RABEP1: variants seen among roughly 807,000 people sequenced by gnomAD.
RABEP1 encodes rabaptin, RAB GTPase binding effector protein 1.
In RABEP1, 51 loss-of-function variants were observed where a neutral mutation model predicts 123.4. The ratio of observed to expected loss-of-function variants is 0.41; its 90% CI spans 0.33 to 0.52. The LOEUF is 0.52. Among genes scored for constraint, RABEP1 ranks in the 20% least tolerant of loss-of-function variants. The pLI is 0.16. For missense variants in RABEP1, 888 were observed against 996.3 expected (o/e 0.89, Z 1.46); for synonymous variants, 347 against 355.2 (o/e 0.98, Z 0.26).
intron 2 of RABEP1, among the ~76,000 whole-genome samples, chr17:5,310,301 C>CTTTTTTTTT (rs11432831): frequency 0.011 from 1,422 of 126,154 alleles, 133 homozygotes; most frequent in African/African-American, 0.02. Flanking sequence ...AAGCTTCGTC[C>CTTTTTTTTT]TTTTTTTTTT....
At chr17:5,299,731 C>T (rs55635734) in intron 1 of RABEP1, among the ~76,000 whole-genome samples, 44,687 of 94,724 alleles carry the variant, frequency 0.47, 11,050 homozygotes, top group East Asian at 0.89. Context: ...TTTTCTTTTT[C>T]TTTTTTTTTT....
At chr17:5,355,329 T>A (rs1188774930) in intron 8 of RABEP1, among the ~76,000 whole-genome samples, 1 of 152,218 alleles carries the variant, frequency 6.6e-6, no homozygotes, top group Admixed American at 6.5e-5. Context: ...CCATTGCCTT[T>A]CTGAGTATTG....
intron 4 of RABEP1, chr17:5,336,366 A>G (rs1555521733): frequency 8.2e-5 from 34 of 413,034 alleles, no homozygotes; most frequent in South Asian, 6.1e-4. Flanking sequence ...AATGTTTTAC[A>G]TTAGCATGGT....
rs1233062576 is a variant in RABEP1, at chr17:5,385,183, T to C, written c.*1960T>C. 1 of 229,934 alleles carries C rather than the reference T, an allele frequency of 4.3e-6. No individual in the cohort carries two copies. Among genetic ancestry groups the C allele is most frequent in the Non-Finnish European group, 8.6e-6 (1 of 116,106 alleles). 14.2% of individuals were successfully genotyped at this position (229,934 alleles called of 1,614,324 possible). The stretch of plus-strand genomic sequence containing the variant: ...CCAAACTGAGACTCTTAAGTTTTGT[T>C]TAGCAATGTGTTTCTGGTATGAAAC... On this transcript the variant is annotated 3_prime_UTR_variant, in exon 18 of 18. Transcript: ENST00000537505.
chr17:5,340,948 C>CAAA (rs61580974), intron 5 of RABEP1, among the ~76,000 whole-genome samples: 4,371 of 117,850 alleles, frequency 0.037, 62 homozygotes, highest in Middle Eastern at 0.09. Context: ...AACTCCGTCT[C>CAAA]AAAAAAAAAA....
At chr17:5,302,941 T>A (rs1346248542) in intron 1 of RABEP1, among the ~76,000 whole-genome samples, 1 of 152,220 alleles carries the variant, frequency 6.6e-6, no homozygotes, top group African/African-American at 2.4e-5. Flanking sequence ...CATTAAATTA[T>A]GAATACTTTT....
intron 1 of RABEP1, chr17:5,283,917 CAG>C (rs1340629915): frequency 1.3e-5 from 2 of 152,150 alleles, no homozygotes; most frequent in South Asian, 2.1e-4. Flanking sequence ...GGTGGGCTGT[CAG>C]AGAGAGGAAA....
At chr17:5,340,719 G>T (rs1373660238) in intron 5 of RABEP1, among the ~76,000 whole-genome samples, 1 of 151,618 alleles carries the variant, frequency 6.6e-6, no homozygotes, top group African/African-American at 2.4e-5. Flanking sequence ...GGCTGAGGTG[G>T]GTGGATCGCC....
chr17:5,304,656 A>G (rs1227704227), intron 1 of RABEP1, among the ~76,000 whole-genome samples: 1 of 152,192 alleles, frequency 6.6e-6, no homozygotes, highest in Non-Finnish European at 1.5e-5. Flanking sequence ...TGAAGGCAAC[A>G]AATACGGGAT....
intron 17 of RABEP1, among the ~76,000 whole-genome samples, chr17:5,382,736 A>G (rs1911584021): frequency 6.6e-6 from 1 of 151,904 alleles, no homozygotes; most frequent in East Asian, 2.0e-4. Flanking sequence ...TGGGTGACGG[A>G]GCAATACTCC....
chr17:5,311,399 A>G (rs986577891), intron 2 of RABEP1, among the ~76,000 whole-genome samples: 1 of 152,044 alleles, frequency 6.6e-6, no homozygotes, highest in African/African-American at 2.4e-5. Flanking sequence ...TATTTTACAT[A>G]TTACTATGAA....
intron 13 of RABEP1, among the ~76,000 whole-genome samples, 194 bp downstream of exon 13, chr17:5,373,648 C>T (rs1314661391): frequency 6.6e-6 from 1 of 150,818 alleles, no homozygotes; most frequent in Non-Finnish European, 1.5e-5. Context: ...AGAACATTTT[C>T]ATCACCTCAA....
At chr17:5,374,327 G>A (rs1188341911) in intron 13 of RABEP1, among the ~76,000 whole-genome samples, 2 of 151,938 alleles carry the variant, frequency 1.3e-5, no homozygotes. Flanking sequence ...CCCAGCCAAA[G>A]ATGGCACTTT....
chr17:5,311,072 A>G (rs1479405176), intron 2 of RABEP1, among the ~76,000 whole-genome samples: 1 of 151,972 alleles, frequency 6.6e-6, no homozygotes, highest in East Asian at 1.9e-4. Context: ...GGCCTCCCAG[A>G]GTGCTGGGAT....
Position 5,381,517 on chromosome 17 carries a change from G to A in RABEP1, c.2487+12G>A, listed in dbSNP as rs1450341665. The A allele has an allele frequency of 1.9e-6, 3 of 1,611,268 alleles. No individual in the cohort carries two copies. The highest frequency in any genetic ancestry group is 2.5e-6 in the Non-Finnish European group (3 of 1,178,944). On this transcript the variant is annotated intron_variant, in intron 17 of 17. Transcript: ENST00000537505. The stretch of plus-strand genomic sequence containing the variant: ...CACAGACCCTTCAGGTGAGGCATTT[G>A]GGGAACCACATACAGAGCACGAAGG...
chr17:5,377,975 GAC>G (rs1911138982), intron 14 of RABEP1, among the ~76,000 whole-genome samples, 200 bp from the exon 15 acceptor site: 3 of 152,122 alleles, frequency 2.0e-5, no homozygotes, highest in African/African-American at 4.8e-5. Context: ...GGTAGTTTAT[GAC>G]ACAGTGTCCA....
intron 3 of RABEP1, among the ~76,000 whole-genome samples, chr17:5,334,478 C>T (rs1247068564): frequency 2.6e-5 from 4 of 152,110 alleles, no homozygotes; most frequent in Admixed American, 6.5e-5. Context: ...GTGATCCACC[C>T]GCCTCGGCCT....
At position 5,335,199 on chromosome 17, in the gene RABEP1, A is replaced by AT; in HGVS notation, c.384dup (p.Glu129Ter). The stretch of plus-strand genomic sequence containing the variant: ...TGTTTTGTAGAAACAGTTCGTGACT[A>AT]TGAGCACCAGTTCCACCTTAGGCTG... On this transcript the variant is annotated frameshift_variant, in exon 4 of 18. Coordinates refer to ENST00000537505, the MANE Select transcript of RABEP1 (RefSeq NM_004703.6). LOFTEE classifies it high-confidence loss of function. 6.2e-7 allele frequency: 1 copy of AT among 1,611,770 alleles called. No individual in the cohort carries two copies. The highest frequency in any genetic ancestry group is 8.5e-7 in the Non-Finnish European group (1 of 1,178,630).
chr17:5,380,463 G>GTA lies in RABEP1; in HGVS notation c.2370+2_2370+3dup. On this transcript the variant is annotated splice_donor_variant, in intron 16 of 17. Transcript: ENST00000537505. LOFTEE classifies it high-confidence loss of function. ...GTTAAAGAAAGAGACTGCTGCTAAG[G>GTA]TAGTGTTTTCATTAGTCATTTAATT... 1 of 1,531,118 alleles carries GTA rather than the reference G, an allele frequency of 6.5e-7. No individual in the cohort carries two copies. Among genetic ancestry groups the GTA allele is most frequent in the Middle Eastern group, 1.7e-4 (1 of 5,898 alleles). 94.8% of individuals were successfully genotyped at this position (1,531,118 alleles called of 1,614,324 possible).
Sources: gnomAD v4.1 joint callset for allele counts (sites outside exome capture counted in the v4.1 genomes callset) on GRCh38, gnomAD v4.1.1 for gene constraint, MANE v1.5 for transcripts, NCBI Gene and HGNC (gene_info 2026-07-23, HGNC 2026-07-21) for gene names.